Variants in SLC31A1 observed in about 807,000 individuals in gnomAD.
SLC31A1 encodes the protein high affinity copper uptake protein 1.
Under a neutral mutation model 17.2 loss-of-function variants are expected in SLC31A1, and 5 were observed. The observed-to-expected ratio is 0.29, with a 90% CI of 0.15 to 0.61. SLC31A1 has a LOEUF of 0.61. Among genes scored for constraint, SLC31A1 ranks in the 20% least tolerant of loss-of-function variants. SLC31A1 has a pLI of 0.86. For missense variants in SLC31A1, 161 were observed against 241.4 expected, an observed-to-expected ratio of 0.67 and a Z score of 2.21; for synonymous variants, 76 against 78.8, an observed-to-expected ratio of 0.96 and a Z score of 0.19.
intron 1 of SLC31A1, among the ~76,000 whole-genome samples, chr9:113,249,371 T>C (rs998402378): frequency 6.6e-6 from 1 of 151,844 alleles, no homozygotes; most frequent in Admixed American, 6.6e-5. Flanking sequence ...TTTTTTATTT[T>C]TTTATTTTTT....
At chr9:113,248,429 T>C (rs1459190445) in intron 1 of SLC31A1, among the ~76,000 whole-genome samples, 1 of 148,054 alleles carries the variant, frequency 6.8e-6, no homozygotes, top group Non-Finnish European at 1.5e-5. Context: ...TCTCAGGAAA[T>C]CAGGACAGGC....
chr9:113,225,532 G>A (rs1831330621), intron 1 of SLC31A1, among the ~76,000 whole-genome samples: 1 of 152,148 alleles, frequency 6.6e-6, no homozygotes, highest in Non-Finnish European at 1.5e-5. Flanking sequence ...TGAAGGCATG[G>A]TAAACACCAC....
At chr9:113,240,114 A>G (rs1831506252) in intron 1 of SLC31A1, among the ~76,000 whole-genome samples, 1 of 152,120 alleles carries the variant, frequency 6.6e-6, no homozygotes, top group Non-Finnish European at 1.5e-5. Context: ...CTCCATCTAA[A>G]TTAGTTCTTT....
chr9:113,238,230 G>A (rs774374146), intron 1 of SLC31A1, among the ~76,000 whole-genome samples: 3 of 152,126 alleles, frequency 2.0e-5, no homozygotes, highest in Non-Finnish European at 4.4e-5. Context: ...GTCACAACTG[G>A]GGCAATGCTA....
intron 1 of SLC31A1, among the ~76,000 whole-genome samples, chr9:113,229,838 G>T (rs1831382993): frequency 6.6e-6 from 1 of 152,162 alleles, no homozygotes; most frequent in Non-Finnish European, 1.5e-5. Context: ...TAAGAGCCAA[G>T]AATAGGTAAT....
intron 1 of SLC31A1, among the ~76,000 whole-genome samples, chr9:113,234,039 T>C (rs1469655605): frequency 6.6e-6 from 1 of 152,164 alleles, no homozygotes; most frequent in Admixed American, 6.5e-5. Flanking sequence ...ATTTGTTCTG[T>C]TAACCCATCT....
At chr9:113,236,605 G>A (rs761930494) in intron 1 of SLC31A1, among the ~76,000 whole-genome samples, 13 of 151,764 alleles carry the variant, frequency 8.6e-5, no homozygotes, top group African/African-American at 1.9e-4. Context: ...CTCGTGATCC[G>A]CCCACCTTGG....
chr9:113,246,796 C>T (rs1474467865), intron 1 of SLC31A1, among the ~76,000 whole-genome samples: 5 of 152,156 alleles, frequency 3.3e-5, no homozygotes, highest in Admixed American at 1.3e-4. Flanking sequence ...ACTACAGACA[C>T]ACCACCACAT....
intron 1 of SLC31A1, among the ~76,000 whole-genome samples, chr9:113,235,092 A>T (rs1035395325): frequency 6.6e-6 from 1 of 152,264 alleles, no homozygotes; most frequent in Non-Finnish European, 1.5e-5. Context: ...AATGTGTGTG[A>T]TGATAGAAGA....
chr9:113,239,922 C>G lies in SLC31A1; in HGVS notation c.-35-16192C>G, dbSNP rs572126102. ...TATCCTTTATGCTTCCCTCTTCAAC[C>G]TCATTAGCCTCTCCTCCGCTCACTC... is the stretch of plus-strand genomic sequence containing the variant. On this transcript the variant is annotated intron_variant, in intron 1 of 4. Transcript: ENST00000374212. Among the ~76,000 whole-genome samples the G allele has an allele frequency of 2.0e-5, 3 of 152,270 alleles. No individual in the cohort carries two copies. The East Asian group carries it at 5.8e-4, about 29-fold the overall frequency.
At chr9:113,231,370 C>G (rs1243150587) in intron 1 of SLC31A1, among the ~76,000 whole-genome samples, 1 of 152,038 alleles carries the variant, frequency 6.6e-6, no homozygotes, top group African/African-American at 2.4e-5. Context: ...TCAAGACCAG[C>G]CTGGGCAACA....
intron 1 of SLC31A1, among the ~76,000 whole-genome samples, chr9:113,223,769 C>T (rs189003134): frequency 9.2e-5 from 14 of 152,110 alleles, no homozygotes; most frequent in Admixed American, 7.9e-4. Flanking sequence ...TCTTTATATA[C>T]GAGTATACCC....
At chr9:113,243,075 C>CT (rs59271432) in intron 1 of SLC31A1, among the ~76,000 whole-genome samples, 1,617 of 139,690 alleles carry the variant, frequency 0.012, 28 homozygotes, top group Admixed American at 0.019. Context: ...ATACTCTAGG[C>CT]TTTTTTTTTT....
Position 113,258,725 on chromosome 9 carries a change from A to G in SLC31A1, c.234A>G (p.Leu78=), listed in dbSNP as rs756690133. The G allele has an allele frequency of 6.2e-6, 10 of 1,614,160 alleles. No individual in the cohort carries two copies. Among genetic ancestry groups the G allele is most frequent in the Non-Finnish European group, 7.6e-6 (9 of 1,180,024 alleles). ...CTGGAGCTTTTGTGGCAGTGTTTTT[A>G]CTAGCAATGTTCTATGAAGGACTCA... The part of the protein sequence containing the change: ...EMAGAFVAVF[L]LAMFYEGLKI... Residue 78 remains leucine, a synonymous_variant, in exon 4 of 5, where the codon TTA becomes TTG. Transcript: ENST00000374212. This position sits in a 1 kb window ranked among gnomAD's most constrained non-coding sequence, Gnocchi z 4.8.
chr9:113,248,254 G>A (rs1474499298), intron 1 of SLC31A1, among the ~76,000 whole-genome samples: 3 of 151,972 alleles, frequency 2.0e-5, no homozygotes, highest in African/African-American at 7.2e-5. Context: ...AACTCAGGAG[G>A]CGGAGGTTGC....
chr9:113,232,988 C>T (rs1204340785), intron 1 of SLC31A1, among the ~76,000 whole-genome samples: 1 of 152,172 alleles, frequency 6.6e-6, no homozygotes, highest in Non-Finnish European at 1.5e-5. Context: ...TTATCAAGAA[C>T]TTCCTGTGTT....
intron 1 of SLC31A1, among the ~76,000 whole-genome samples, chr9:113,241,049 C>CAAAAAAAA (rs11330445): frequency 1.1e-5 from 1 of 94,978 alleles, no homozygotes; most frequent in Non-Finnish European, 2.1e-5. Context: ...GACTCTGTCT[C>CAAAAAAAA]AAAAAAAAAA....
chr9:113,235,713 C>G lies in SLC31A1; in HGVS notation c.-36+14035C>G, dbSNP rs530400369. Among the ~76,000 whole-genome samples the G allele has an allele frequency of 1.4e-4, 21 of 152,250 alleles. No homozygotes were observed. In the South Asian group the frequency reaches 4.4e-3, roughly 32 times the overall value. On this transcript the variant is annotated intron_variant, in intron 1 of 4. Transcript: ENST00000374212. ...TGGAGTACTGGCAATAGTTACTGTT[C>G]TGGGTAACAATTAAATAAAATATAC...
At chr9:113,239,404 C>G (rs1273121697) in intron 1 of SLC31A1, among the ~76,000 whole-genome samples, 1 of 152,128 alleles carries the variant, frequency 6.6e-6, no homozygotes, top group Non-Finnish European at 1.5e-5. Flanking sequence ...TAACAGATGC[C>G]ATTCTGGATC....
Sources: gnomAD v4.1 joint callset for allele counts (sites outside exome capture counted in the v4.1 genomes callset) on GRCh38, gnomAD v4.1.1 for gene constraint, Gnocchi (gnomAD v3.1) non-coding constraint, MANE v1.5 for transcripts, NCBI Gene and HGNC (gene_info 2026-07-23, HGNC 2026-07-21) for gene names.